The following FAM135B variants were observed in gnomAD, a reference collection of about 807,000 sequenced individuals.
FAM135B encodes the protein protein FAM135B.
Under a neutral mutation model 127.7 loss-of-function variants are expected in FAM135B, and 43 were observed. That is an observed-to-expected ratio of 0.34 (90% CI 0.26 to 0.43). The LOEUF (loss-of-function observed/expected upper bound fraction) is 0.43. Ranked by LOEUF, FAM135B falls within the 20% of genes least tolerant of loss-of-function variation. FAM135B has a pLI of 1.00. For missense variants in FAM135B, 1,558 were observed against 1,725.6 expected (o/e 0.90, Z 1.72); for synonymous variants, 670 against 665.1 (o/e 1.01, Z -0.11).
chr8:138,404,410 G>A (rs944544514), intron 1 of FAM135B, among the ~76,000 whole-genome samples: 2 of 152,164 alleles, frequency 1.3e-5, no homozygotes, highest in African/African-American at 4.8e-5. Flanking sequence ...ACTGATCGGG[G>A]TAATAGTTGC....
chr8:138,299,981 T>G (rs1051369483), intron 3 of FAM135B, among the ~76,000 whole-genome samples: 3 of 152,146 alleles, frequency 2.0e-5, no homozygotes, highest in East Asian at 3.9e-4. Context: ...TTTATTTATT[T>G]ATTTGAGACG....
chr8:138,332,596 C>T (rs1043639543), intron 2 of FAM135B, among the ~76,000 whole-genome samples: 8 of 151,852 alleles, frequency 5.3e-5, no homozygotes, highest in Non-Finnish European at 7.4e-5. Flanking sequence ...TTCAAGCAAA[C>T]GGGTGGATGA....
At chr8:138,182,865 C>T (rs1815200774) in intron 9 of FAM135B, among the ~76,000 whole-genome samples, 1 of 152,212 alleles carries the variant, frequency 6.6e-6, no homozygotes, top group Non-Finnish European at 1.5e-5. Flanking sequence ...GTCTCAGATT[C>T]TCTGAGGGTG....
At chr8:138,248,823 C>A (rs372305130) in intron 6 of FAM135B, among the ~76,000 whole-genome samples, 609 of 128,588 alleles carry the variant, frequency 4.7e-3, no homozygotes, top group Middle Eastern at 0.013. Context: ...GACGCTGTCT[C>A]AAAAAAAAAA....
chr8:138,447,747 T>C (rs967233790), intron 1 of FAM135B, among the ~76,000 whole-genome samples: 2 of 151,538 alleles, frequency 1.3e-5, no homozygotes, highest in Non-Finnish European at 2.9e-5. Flanking sequence ...ACATGGCACA[T>C]GTATACATAT....
intron 1 of FAM135B, among the ~76,000 whole-genome samples, chr8:138,425,230 C>T (rs1297229129): frequency 1.3e-5 from 2 of 152,174 alleles, no homozygotes; most frequent in East Asian, 3.9e-4. Flanking sequence ...TTGATCCTTA[C>T]AGCAGCCTTT....
chr8:138,250,725 G>T, intron 6 of FAM135B, 116 bp downstream of exon 6: 1 of 1,164,008 alleles, frequency 8.6e-7, no homozygotes, highest in Non-Finnish European at 1.2e-6. Context: ...TAAACCTGCA[G>T]CCTTAGAGAA....
intron 1 of FAM135B, among the ~76,000 whole-genome samples, chr8:138,406,362 C>T (rs1833491010): frequency 6.6e-6 from 1 of 152,076 alleles, no homozygotes; most frequent in South Asian, 2.1e-4. Context: ...CCTTCTGAAA[C>T]TATTCCAATC....
At chr8:138,140,073 GA>G (rs1231948114) in intron 17 of FAM135B, among the ~76,000 whole-genome samples, 59 of 152,184 alleles carry the variant, frequency 3.9e-4, no homozygotes, top group African/African-American at 1.4e-3. Context: ...AACTGTGGGG[GA>G]AAAATGTAGT....
chr8:138,184,664 A>G (rs140573562), intron 9 of FAM135B, among the ~76,000 whole-genome samples: 11 of 152,278 alleles, frequency 7.2e-5, no homozygotes, highest in South Asian at 2.1e-4. Flanking sequence ...CGGGCAGAGA[A>G]GAGTTGAACC....
chr8:138,479,974 T>A (rs1314675203), intron 1 of FAM135B, among the ~76,000 whole-genome samples: 2 of 152,064 alleles, frequency 1.3e-5, no homozygotes, highest in Non-Finnish European at 2.9e-5. Context: ...AATTCCTCAT[T>A]GAGACAGTCT....
chr8:138,277,096 C>T (rs899275534), intron 3 of FAM135B, among the ~76,000 whole-genome samples: 1 of 152,104 alleles, frequency 6.6e-6, no homozygotes, highest in Non-Finnish European at 1.5e-5. Context: ...GTCTGCAGCT[C>T]GAGTTTTGTC....
chr8:138,457,211 G>A (rs1460243256), intron 1 of FAM135B, among the ~76,000 whole-genome samples: 1 of 152,104 alleles, frequency 6.6e-6, no homozygotes, highest in African/African-American at 2.4e-5. Flanking sequence ...ACACACAGAG[G>A]GAGGGAAGGG....
intron 1 of FAM135B, among the ~76,000 whole-genome samples, chr8:138,484,248 A>C (rs908419000): frequency 7.9e-5 from 12 of 152,210 alleles, no homozygotes; most frequent in Non-Finnish European, 1.6e-4. Context: ...CAGGAGCTCT[A>C]GTCCTTTCTC....
chr8:138,271,819 G>C (rs1333965709), intron 3 of FAM135B, among the ~76,000 whole-genome samples: 1 of 152,064 alleles, frequency 6.6e-6, no homozygotes, highest in African/African-American at 2.4e-5. Context: ...ATTGCAAATT[G>C]CTCAATTAAA....
In FAM135B at chr8:138,325,669, A is replaced by C. The variant is rs994371002; in HGVS notation, c.78-14749T>G. Among the ~76,000 whole-genome samples the C allele has an allele frequency of 2.0e-5, 3 of 152,194 alleles. No homozygotes were observed. In the East Asian group the frequency reaches 5.8e-4, roughly 29 times the overall value. Reference sequence around the variant, plus strand: ...TCTATAAAATGTATGCCTTTTGTACATAAACTTGGAAGTCTGAACAGAATG... The same window carrying C: ...TCTATAAAATGTATGCCTTTTGTACCTAAACTTGGAAGTCTGAACAGAATG... On this transcript the variant is annotated intron_variant, in intron 2 of 19. Transcript: ENST00000395297.
chr8:138,421,764 T>C (rs1393395213), intron 1 of FAM135B, among the ~76,000 whole-genome samples: 1 of 152,210 alleles, frequency 6.6e-6, no homozygotes. Flanking sequence ...AATATCATTT[T>C]CATAGAATTA....
chr8:138,220,773 G>C (rs757757063), intron 7 of FAM135B, among the ~76,000 whole-genome samples: 6 of 152,046 alleles, frequency 3.9e-5, no homozygotes, highest in Non-Finnish European at 8.8e-5. Flanking sequence ...TTCATCTCAT[G>C]GTTTATAAGA....
intron 7 of FAM135B, among the ~76,000 whole-genome samples, chr8:138,237,103 CT>C (rs1820341723): frequency 6.6e-6 from 1 of 151,258 alleles, no homozygotes; most frequent in Non-Finnish European, 1.5e-5. Flanking sequence ...TGCAGCCTTC[CT>C]TGGGGAAGAA....
Sources: allele counts gnomAD v4.1 joint callset (sites outside exome capture counted in the v4.1 genomes callset), GRCh38; gene constraint gnomAD v4.1.1; transcripts MANE v1.5; gene names NCBI Gene and HGNC (gene_info 2026-07-23, HGNC 2026-07-21).